Variants in ABCA4 observed in about 807,000 individuals in gnomAD.
The protein encoded by ABCA4 is ATP binding cassette subfamily A member 4, also known as retinal-specific phospholipid-transporting ATPase ABCA4.
ABCA4 carries 196 observed loss-of-function variants against 263.7 expected under a neutral mutation model. The ratio of observed to expected loss-of-function variants is 0.74; its 90% CI spans 0.66 to 0.84. ABCA4 has a LOEUF of 0.84. Ranked by LOEUF, ABCA4 falls within the 40% of genes least tolerant of loss-of-function variation. ABCA4 has a pLI of 0.00. For missense variants in ABCA4, 2,792 were observed against 2,855.1 expected (o/e 0.98, Z 0.50); for synonymous variants, 1,133 against 1,094.2 (o/e 1.04, Z -0.70).
rs1371603710 is a variant in ABCA4 at position 94,010,943 on chromosome 1, G to A, written c.5585-14C>T. The A allele has an allele frequency of 1.9e-6, 3 of 1,614,012 alleles. No individual in the cohort carries two copies. The highest frequency in any genetic ancestry group is 2.5e-6 in the Non-Finnish European group (3 of 1,179,964). ...AGTGCTCCTCACCTGGGCATCAACA[G>A]GAATTGAGTCCACTTCAGCCGCCCC... On this transcript the variant is annotated splice_polypyrimidine_tract_variant and intron_variant, in intron 39 of 49. Transcript: ENST00000370225.
intron 6 of ABCA4, among the ~76,000 whole-genome samples, chr1:94,087,536 T>C (rs481290): frequency 0.85 from 128,927 of 152,124 alleles, 55,240 homozygotes; most frequent in Non-Finnish European, 0.92. Flanking sequence ...CTTTGCCTGG[T>C]CCCTGCCTGC....
intron 19 of ABCA4, chr1:94,045,698 A>G (rs1429535545): frequency 2.2e-6 from 1 of 452,316 alleles, no homozygotes; most frequent in East Asian, 7.0e-5. Context: ...TCCGCGATCA[A>G]CCACTAGAGG....
intron 44 of ABCA4, among the ~76,000 whole-genome samples, chr1:94,002,800 C>T (rs1029265590): frequency 1.3e-5 from 2 of 152,156 alleles, no homozygotes; most frequent in Admixed American, 6.5e-5. Flanking sequence ...TTCCTCCCTG[C>T]GTTACTTTTC....
At chr1:94,109,273 C>T (rs149242212) in intron 3 of ABCA4, among the ~76,000 whole-genome samples, 2 of 152,324 alleles carry the variant, frequency 1.3e-5, no homozygotes, top group African/African-American at 4.8e-5. Context: ...CTGTGTGTCT[C>T]TTGCCCAGAG....
intron 11 of ABCA4, among the ~76,000 whole-genome samples, chr1:94,073,513 T>G (rs990998740): frequency 6.6e-6 from 1 of 152,208 alleles, no homozygotes; most frequent in African/African-American, 2.4e-5. Flanking sequence ...AAGCTAATAT[T>G]TATTAAGTGC....
chr1:94,112,935 C>A (rs1231566252), intron 2 of ABCA4, 38 bp downstream of exon 2: 3 of 1,540,838 alleles, frequency 1.9e-6, no homozygotes, highest in Non-Finnish European at 2.7e-6. Flanking sequence ...AGACCAAAGT[C>A]TCTTCAGGGC....
intron 26 of ABCA4, among the ~76,000 whole-genome samples, chr1:94,032,457 T>A (rs1364743843): frequency 6.6e-6 from 1 of 152,128 alleles, no homozygotes; most frequent in Non-Finnish European, 1.5e-5. Context: ...ACCTACATAG[T>A]GAAACCCCCT....
At chr1:94,026,869 G>T (rs994782349) in intron 30 of ABCA4, among the ~76,000 whole-genome samples, 10 of 152,106 alleles carry the variant, frequency 6.6e-5, no homozygotes, top group Non-Finnish European at 1.3e-4. Context: ...CTGAATGAGG[G>T]ATTGTGTTTG....
chr1:94,111,586 A>G lies in ABCA4; in HGVS notation c.161-7T>C, dbSNP rs578147348. ...GCCTTGTTGGGGAAATGGCCTTTAA[A>G]ACAGAAAATGAGGACAAGACGGGAT... On this transcript the variant is annotated splice_polypyrimidine_tract_variant and splice_region_variant and intron_variant, in intron 2 of 49. Coordinates refer to ENST00000370225, the MANE Select transcript of ABCA4 (RefSeq NM_000350.3). 6.2e-7 allele frequency: 1 copy of G among 1,614,148 alleles called. No individual in the cohort carries two copies. Among genetic ancestry groups the G allele is most frequent in the African/African-American group, 1.3e-5 (1 of 75,050 alleles).
At chr1:94,007,571 C>G (rs181903882) in intron 43 of ABCA4, 63 bp downstream of exon 43, 304 of 1,416,962 alleles carry the variant, frequency 2.1e-4, no homozygotes, top group Non-Finnish European at 2.9e-4. Context: ...GATGATCACC[C>G]TTCCTATTCT....
At chr1:94,116,809 C>A (rs1662776599) in intron 1 of ABCA4, among the ~76,000 whole-genome samples, 1 of 152,178 alleles carries the variant, frequency 6.6e-6, no homozygotes, top group African/African-American at 2.4e-5. Context: ...CAGACTCCCC[C>A]TACCCTGCCC....
chr1:94,024,997 A>G lies in ABCA4; in HGVS notation c.4591T>C (p.Ser1531Pro). ...ILQDLTDRNISDFLVKTYPAL... is the reference protein window; with the variant it reads ...ILQDLTDRNIPDFLVKTYPAL... ...GGATACGTTTTTACCAAGAAGTCGG[A>G]GATGTTCCTGTCCGTCAGGTCTTGT... The change falls in exon 31 of 50, where the codon TCC becomes CCC. Residue 1531 changes from serine (S) to proline (P), a missense_variant. By Grantham distance (74) the Ser-to-Pro change is moderately conservative. Coordinates refer to ENST00000370225, the MANE Select transcript of ABCA4 (RefSeq NM_000350.3). 1 of 1,614,198 alleles carries G rather than the reference A, an allele frequency of 6.2e-7. No homozygotes were observed. The highest frequency in any genetic ancestry group is 8.5e-7 in the Non-Finnish European group (1 of 1,180,038).
intron 7 of ABCA4, among the ~76,000 whole-genome samples, chr1:94,081,510 A>G (rs1007882295): frequency 2.0e-5 from 3 of 152,196 alleles, no homozygotes; most frequent in African/African-American, 7.2e-5. Flanking sequence ...TTAGTTTCTT[A>G]TATTTGGAAA....
chr1:93,996,507 T>C (rs1473187024), intron 48 of ABCA4, among the ~76,000 whole-genome samples: 1 of 150,546 alleles, frequency 6.6e-6, no homozygotes, highest in East Asian at 1.9e-4. Flanking sequence ...TCCTAATAAC[T>C]AAAAAAAAAG....
chr1:94,104,696 C>A (rs34481412), intron 4 of ABCA4, among the ~76,000 whole-genome samples: 27,882 of 152,182 alleles, frequency 0.18, 3,285 homozygotes, highest in Middle Eastern at 0.35. Flanking sequence ...CTGTCACTCC[C>A]CTTTGCATAG....
intron 47 of ABCA4, among the ~76,000 whole-genome samples, chr1:93,998,485 A>G (rs1050228070): frequency 2.0e-5 from 3 of 152,098 alleles, no homozygotes; most frequent in African/African-American, 7.2e-5. Flanking sequence ...TGTCTCAAAA[A>G]AACCGAAAAA....
In ABCA4 at chr1:94,030,468, G is replaced by C. The variant is rs1046550021; in HGVS notation, c.4312C>G (p.Pro1438Ala). Residue 1438 changes from proline to alanine, a missense_variant, in exon 29 of 50, where the codon CCA becomes GCA. Coordinates refer to ENST00000370225, the MANE Select transcript of ABCA4 (RefSeq NM_000350.3). ...TTCAGGCAGCGGTTGCCAAAGCCTG[G>C]CTTATTCAGGAGGACGTCTGCAAGT... Reference protein sequence around the residue: ...TVLADVLLNKPGFGNRCLKEG... With the variant: ...TVLADVLLNKAGFGNRCLKEG... 5 of 1,614,094 alleles carry C rather than the reference G, an allele frequency of 3.1e-6. No homozygotes were observed. The highest frequency in any genetic ancestry group is 4.2e-6 in the Non-Finnish European group (5 of 1,180,046).
In ABCA4 at chr1:94,120,830, C is replaced by T. The variant is rs546423582; in HGVS notation, c.66+150G>A. The stretch of plus-strand genomic sequence containing the variant: ...CCCACAGAAAGGCCGTCCAGCTAAA[C>T]ACTGCTTCAGTGCTAATCGGCGACA... On this transcript the variant is annotated intron_variant, in intron 1 of 49. Coordinates refer to ENST00000370225, the MANE Select transcript of ABCA4 (RefSeq NM_000350.3). 5 of 745,582 alleles carry T rather than the reference C, an allele frequency of 6.7e-6. No individual in the cohort carries two copies. In the East Asian group the frequency reaches 1.1e-4, roughly 16 times the overall value. 46.2% of individuals were successfully genotyped at this position (745,582 alleles called of 1,614,324 possible). A position where few individuals can be genotyped will look rare whatever the true frequency, so the allele number is the denominator to read the frequency against.
At chr1:94,097,129 A>G (rs1662144719) in intron 6 of ABCA4, among the ~76,000 whole-genome samples, 1 of 152,150 alleles carries the variant, frequency 6.6e-6, no homozygotes, top group East Asian at 1.9e-4. Flanking sequence ...TTTGGACTAC[A>G]TTGCTTTTTA....
Sources: gnomAD v4.1 joint callset for allele counts (sites outside exome capture counted in the v4.1 genomes callset) on GRCh38, gnomAD v4.1.1 for gene constraint, MANE v1.5 for transcripts, NCBI Gene and HGNC (gene_info 2026-07-23, HGNC 2026-07-21) for gene names.